Variants in DHRSX observed in about 807,000 individuals in gnomAD.
DHRSX encodes the protein polyprenol dehydrogenase.
In DHRSX, 31 loss-of-function variants were observed where a neutral mutation model predicts 34.0. That is an observed-to-expected ratio of 0.91 (90% CI 0.69 to 1.23). DHRSX has a LOEUF of 1.23. Among genes scored for constraint, DHRSX ranks in the 50% most tolerant of loss-of-function variants. The probability of loss-of-function intolerance (pLI) is 0.00; values close to 1 mark genes in which losing one functional copy is unlikely to be tolerated. For missense variants in DHRSX, 414 were observed against 428.1 expected (o/e 0.97, Z 0.29); for synonymous variants, 201 against 183.8 (o/e 1.09, Z -0.76).
chrX:2,368,662 C>T (rs987556095), intron 3 of DHRSX, among the ~76,000 whole-genome samples: 2 of 152,108 alleles, frequency 1.3e-5, no homozygotes, highest in African/African-American at 2.4e-5. Flanking sequence ...CCAGCCTGGC[C>T]AACATGTCAA....
rs752631863 is a variant in DHRSX at position 2,408,125 on chromosome X, T to C, written c.286+620A>G. Among the ~76,000 whole-genome samples, 175 of 151,924 alleles carry C rather than the reference T, an allele frequency of 1.2e-3. 2 individuals are homozygous for C. Among genetic ancestry groups the C allele is most frequent in the Non-Finnish European group, 2.1e-3 (141 of 67,926 alleles). ...TTTATCTTTTTTTCTTTCTTTCTTT[T>C]TTTTTTTTGAGACGGAGTCTTGCTC... On this transcript the variant is annotated intron_variant, in intron 3 of 6. Coordinates refer to ENST00000334651, the MANE Select transcript of DHRSX (RefSeq NM_145177.3).
intron 1 of DHRSX, among the ~76,000 whole-genome samples, chrX:2,457,268 T>C (rs1486971813): frequency 6.6e-6 from 1 of 151,802 alleles, no homozygotes; most frequent in African/African-American, 2.4e-5. Flanking sequence ...ATGTAGGCAC[T>C]GAAGACGTTC....
At chrX:2,310,561 T>TGTGA (rs1322952119) in intron 3 of DHRSX, among the ~76,000 whole-genome samples, 1 of 144,350 alleles carries the variant, frequency 6.9e-6, no homozygotes, top group African/African-American at 2.7e-5. Flanking sequence ...TGTGTGTGTG[T>TGTGA]GAGAGAGAGA....
chrX:2,358,601 A>G (rs2042887739), intron 3 of DHRSX, among the ~76,000 whole-genome samples: 1 of 152,120 alleles, frequency 6.6e-6, no homozygotes, highest in South Asian at 2.1e-4. Flanking sequence ...GAGGCATATT[A>G]CTAAACAATT....
At chrX:2,413,193 CA>C (rs1373968120) in intron 2 of DHRSX, among the ~76,000 whole-genome samples, 1 of 150,930 alleles carries the variant, frequency 6.6e-6, no homozygotes, top group East Asian at 1.9e-4. Flanking sequence ...GACTCCATCT[CA>C]AAAAAAAGAA....
intron 1 of DHRSX, among the ~76,000 whole-genome samples, chrX:2,484,721 G>A (rs1385245024): frequency 6.6e-6 from 1 of 152,028 alleles, no homozygotes; most frequent in Non-Finnish European, 1.5e-5. Flanking sequence ...GGGAAAGGAC[G>A]GGGCGGCGGG....
intron 1 of DHRSX, among the ~76,000 whole-genome samples, chrX:2,428,162 G>C (rs770961274): frequency 2.6e-5 from 4 of 152,240 alleles, no homozygotes; most frequent in African/African-American, 9.6e-5. Flanking sequence ...TACCATGTAC[G>C]TTATTTGAGT....
intron 3 of DHRSX, among the ~76,000 whole-genome samples, chrX:2,307,637 C>T (rs1416869816): frequency 6.6e-6 from 1 of 151,246 alleles, no homozygotes; most frequent in Admixed American, 6.6e-5. Context: ...TGGTGGCGGG[C>T]GCCTGTAGTC....
At chrX:2,293,546 A>G (rs1316131941) in intron 3 of DHRSX, among the ~76,000 whole-genome samples, 2 of 152,098 alleles carry the variant, frequency 1.3e-5, no homozygotes, top group African/African-American at 4.8e-5. Context: ...GAGTTCTGAA[A>G]GGTGAGGATG....
At chrX:2,390,811 G>C (rs1254978995) in intron 3 of DHRSX, among the ~76,000 whole-genome samples, 2 of 152,186 alleles carry the variant, frequency 1.3e-5, no homozygotes, top group Non-Finnish European at 2.9e-5. Flanking sequence ...GCATGCATCT[G>C]AATATCCTTC....
chrX:2,276,709 G>A (rs1228717904), intron 4 of DHRSX, among the ~76,000 whole-genome samples: 1 of 137,758 alleles, frequency 7.3e-6, no homozygotes, highest in South Asian at 2.3e-4. Context: ...AGAGAAAGGA[G>A]AGTGATGGGG....
intron 1 of DHRSX, among the ~76,000 whole-genome samples, chrX:2,459,573 TATATATAC>T (rs1009546396): frequency 1.2e-4 from 15 of 128,956 alleles, no homozygotes; most frequent in Admixed American, 3.1e-4. Flanking sequence ...TATATATATA[TATATATAC>T]ACACACATAC....
At chrX:2,309,399 T>C (rs2042137804) in intron 3 of DHRSX, among the ~76,000 whole-genome samples, 1 of 152,130 alleles carries the variant, frequency 6.6e-6, no homozygotes, top group South Asian at 2.1e-4. Context: ...AACATTTATA[T>C]ATACAGAAGA....
At chrX:2,312,238 C>G (rs1448656108) in intron 3 of DHRSX, among the ~76,000 whole-genome samples, 1 of 152,028 alleles carries the variant, frequency 6.6e-6, no homozygotes, top group African/African-American at 2.4e-5. Flanking sequence ...CCAGGCACTT[C>G]GCTGGCTGGG....
At chrX:2,456,320 A>C (rs888837992) in intron 1 of DHRSX, among the ~76,000 whole-genome samples, 7 of 152,102 alleles carry the variant, frequency 4.6e-5, no homozygotes, top group African/African-American at 1.7e-4. Flanking sequence ...GTGAATCAAG[A>C]ATGAAGGGTG....
intron 3 of DHRSX, among the ~76,000 whole-genome samples, chrX:2,304,488 G>A (rs1481740452): frequency 2.0e-5 from 3 of 152,108 alleles, no homozygotes; most frequent in Admixed American, 6.6e-5. Context: ...ATTGGGTCAC[G>A]GGGGTGGATG....
intron 3 of DHRSX, among the ~76,000 whole-genome samples, chrX:2,338,925 A>C: frequency 6.6e-6 from 1 of 151,934 alleles, no homozygotes; most frequent in East Asian, 1.9e-4. Flanking sequence ...TGCAGTTCCC[A>C]CGAGACCACC....
At chrX:2,362,136 G>A (rs924047105) in intron 3 of DHRSX, among the ~76,000 whole-genome samples, 1 of 152,136 alleles carries the variant, frequency 6.6e-6, no homozygotes, top group African/African-American at 2.4e-5. Context: ...TAGAGAGAGT[G>A]GGGTGCTGGT....
At chrX:2,236,337 G>C (rs1253926934) in intron 6 of DHRSX, among the ~76,000 whole-genome samples, 1 of 152,178 alleles carries the variant, frequency 6.6e-6, no homozygotes, top group African/African-American at 2.4e-5. Context: ...CCTGGGGGAA[G>C]GGCGTGCGTG....
Sources: gnomAD v4.1 joint callset for allele counts (sites outside exome capture counted in the v4.1 genomes callset) on GRCh38, gnomAD v4.1.1 for gene constraint, MANE v1.5 for transcripts, NCBI Gene and HGNC (gene_info 2026-07-23, HGNC 2026-07-21) for gene names.